Variants in USP48 observed in about 807,000 individuals in gnomAD.
The protein encoded by USP48 is ubiquitin carboxyl-terminal hydrolase 48.
A neutral mutation model predicts 150.7 loss-of-function variants in USP48; 43 were observed. The observed-to-expected ratio is 0.29, with a 90% CI of 0.22 to 0.37. The LOEUF (loss-of-function observed/expected upper bound fraction) is 0.37, where lower values mean the gene tolerates loss of function less well. USP48 is among the 10% of genes least tolerant of loss of function. The probability of loss-of-function intolerance (pLI) is 1.00; values close to 1 mark genes in which losing one functional copy is unlikely to be tolerated. For missense variants in USP48, 813 were observed against 1,249.6 expected, an observed-to-expected ratio of 0.65 and a Z score of 5.27; for synonymous variants, 396 against 425.9, an observed-to-expected ratio of 0.93 and a Z score of 0.86.
intron 1 of USP48, among the ~76,000 whole-genome samples, chr1:21,768,094 C>T (rs984050172): frequency 1.3e-5 from 2 of 151,986 alleles, no homozygotes; most frequent in Admixed American, 6.6e-5. Context: ...GTAGTCCCAG[C>T]TACTCAGGAG....
At position 21,678,403 on chromosome 1, in the gene USP48, G is replaced by C. The variant is rs563714151; in HGVS notation, c.*1014C>G. ...TTGCTAAGAATGATAATCCTGAGTT[G>C]GATGGACAGCACATCCATATACTTT... On this transcript the variant is annotated 3_prime_UTR_variant, in exon 27 of 27. Transcript: ENST00000308271. 1 of 151,438 alleles carries C rather than the reference G, an allele frequency of 6.6e-6. No homozygotes were observed. Among genetic ancestry groups the C allele is most frequent in the East Asian group, 1.9e-4 (1 of 5,148 alleles). 9.4% of individuals were successfully genotyped at this position (151,438 alleles called of 1,614,324 possible).
Position 21,782,861 on chromosome 1 carries a change from G to C in USP48, c.97C>G (p.Arg33Gly). Residue 33 changes from arginine to glycine, a missense_variant, in exon 1 of 27, where the codon CGC (arginine) becomes GGC (glycine). By Grantham distance (125) the Arg-to-Gly change is moderately radical. Coordinates refer to ENST00000308271, the MANE Select transcript of USP48 (RefSeq NM_032236.8). Reference protein sequence around the residue: ...VSQEHIETAYRIWLEPCIRGV... With the variant: ...VSQEHIETAYGIWLEPCIRGV... ...CGAATGCAGGGCTCCAGCCAGATGC[G>C]GTAAGCGGTCTCGATGTGCTCCTGC... 6.4e-7 allele frequency: 1 copy of C among 1,560,812 alleles called. No homozygotes were observed. The highest frequency in any genetic ancestry group is 8.7e-7 in the Non-Finnish European group (1 of 1,154,078).
chr1:21,703,132 GT>G lies in USP48; in HGVS notation c.2622+379del, dbSNP rs1266128270. ...CTAACCTCCACTTGACCCTGCTAAAGTTCCTTCAAAACAATCATTTCTGTGT... is the reference window on the plus strand; with the variant it reads ...CTAACCTCCACTTGACCCTGCTAAAGTCCTTCAAAACAATCATTTCTGTGT... On this transcript the variant is annotated intron_variant, in intron 21 of 26. Coordinates refer to ENST00000308271, the MANE Select transcript of USP48 (RefSeq NM_032236.8). 3.3e-5 allele frequency among the ~76,000 whole-genome samples: 5 copies of G among 152,304 alleles called. No individual in the cohort carries two copies. In the Middle Eastern group the frequency reaches 0.01, roughly 311 times the overall value.
chr1:21,770,533 G>A lies in USP48; in HGVS notation c.134+12291C>T, dbSNP rs931452558. Among the ~76,000 whole-genome samples the A allele has an allele frequency of 4.7e-5, 7 of 148,432 alleles. No individual in the cohort carries two copies. The East Asian group carries it at 1.4e-3, about 30-fold the overall frequency. On this transcript the variant is annotated intron_variant, in intron 1 of 26. Transcript: ENST00000308271. Reference sequence around the variant, plus strand: ...AGCTCACTCTGTTGCCCAGGCTGGAGTGCAGAGGCATGATCTCAGCTCACT... The same window carrying A: ...AGCTCACTCTGTTGCCCAGGCTGGAATGCAGAGGCATGATCTCAGCTCACT...
chr1:21,692,346 C>T (rs966365890), intron 23 of USP48, among the ~76,000 whole-genome samples: 10 of 152,266 alleles, frequency 6.6e-5, no homozygotes, highest in African/African-American at 1.9e-4. Context: ...TCCAGCCCTA[C>T]ACCAGCAAAT....
chr1:21,714,075 T>C (rs2097697605), intron 15 of USP48, among the ~76,000 whole-genome samples: 1 of 152,208 alleles, frequency 6.6e-6, no homozygotes, highest in Non-Finnish European at 1.5e-5. Context: ...AAAGTGCCAA[T>C]GTGCATCAGG....
chr1:21,683,118 A>G (rs2097571212), intron 25 of USP48, among the ~76,000 whole-genome samples: 1 of 152,178 alleles, frequency 6.6e-6, no homozygotes, highest in African/African-American at 2.4e-5. Context: ...AAAGTTAGCC[A>G]GGCATGGTGT....
At chr1:21,697,529 G>A (rs554347362) in intron 22 of USP48, among the ~76,000 whole-genome samples, 10 of 151,940 alleles carry the variant, frequency 6.6e-5, no homozygotes, top group South Asian at 2.1e-4. Context: ...CGGGCTTGGT[G>A]GTGGGCGCCT....
At chr1:21,725,820 T>C (rs2097735573) in intron 11 of USP48, among the ~76,000 whole-genome samples, 1 of 151,922 alleles carries the variant, frequency 6.6e-6, no homozygotes. Context: ...TTACAGTATA[T>C]CATGGTATGG....
At position 21,718,547 on chromosome 1, in the gene USP48, TATA is replaced by T. The variant is rs1372885813; in HGVS notation, c.1894+2486_1894+2488del. Reference sequence around the variant, plus strand: ...TACTAAAAATGAAGGGACACTGATATATAAAGAGGCCTTTTTCTTTTTTTTTTT... The same window carrying T: ...TACTAAAAATGAAGGGACACTGATATAAGAGGCCTTTTTCTTTTTTTTTTT... On this transcript the variant is annotated intron_variant, in intron 14 of 26. Coordinates refer to ENST00000308271, the MANE Select transcript of USP48 (RefSeq NM_032236.8). Among the ~76,000 whole-genome samples the T allele has an allele frequency of 5.3e-3, 781 of 148,672 alleles. 8 individuals are homozygous for T. Among genetic ancestry groups the T allele is most frequent in the African/African-American group, 0.018 (740 of 40,412 alleles).
intron 11 of USP48, chr1:21,728,106 A>G (rs186730133): frequency 1.0e-6 from 1 of 985,778 alleles, no homozygotes; most frequent in African/African-American, 1.7e-5. Flanking sequence ...AAGCTTTTCT[A>G]CTCTTAGCAT....
intron 14 of USP48, among the ~76,000 whole-genome samples, chr1:21,717,015 C>CA (rs796890608): frequency 1.4e-4 from 21 of 147,526 alleles, no homozygotes; most frequent in South Asian, 2.1e-4. Flanking sequence ...GACTCCGTCT[C>CA]AAAAAAAAAA....
chr1:21,759,993 A>G (rs2097846226), intron 1 of USP48, among the ~76,000 whole-genome samples: 1 of 152,196 alleles, frequency 6.6e-6, no homozygotes, highest in Non-Finnish European at 1.5e-5. Flanking sequence ...ACACCACCTT[A>G]ACCAAATGCT....
chr1:21,691,687 G>C (rs1182243100), intron 23 of USP48, among the ~76,000 whole-genome samples: 1 of 152,132 alleles, frequency 6.6e-6, no homozygotes, highest in East Asian at 1.9e-4. Context: ...ATATTTAAAT[G>C]TTTTTACAAA....
At chr1:21,718,357 G>C (rs1279057073) in intron 14 of USP48, among the ~76,000 whole-genome samples, 2 of 152,218 alleles carry the variant, frequency 1.3e-5, no homozygotes, top group Non-Finnish European at 2.9e-5. Flanking sequence ...ATTGTATCTG[G>C]TGGGAAGGCT....
chr1:21,731,893 A>C (rs888752487), intron 9 of USP48, among the ~76,000 whole-genome samples: 8 of 151,958 alleles, frequency 5.3e-5, no homozygotes, highest in African/African-American at 1.9e-4. Context: ...AAGGAATGAA[A>C]TGCTAACAAC....
chr1:21,782,407 T>C (rs1374039848), intron 1 of USP48, among the ~76,000 whole-genome samples: 1 of 152,084 alleles, frequency 6.6e-6, no homozygotes. Context: ...AGCTGCCCTC[T>C]ACAAAAATAA....
intron 1 of USP48, among the ~76,000 whole-genome samples, chr1:21,781,116 C>T (rs938007580): frequency 2.7e-5 from 4 of 147,462 alleles, no homozygotes; most frequent in Non-Finnish European, 6.0e-5. Context: ...GACGCTGTCT[C>T]GAAAAAAAAA....
chr1:21,766,519 C>T, intron 1 of USP48, among the ~76,000 whole-genome samples: 1 of 151,966 alleles, frequency 6.6e-6, no homozygotes, highest in Non-Finnish European at 1.5e-5. Context: ...CTCCAATGAT[C>T]TGTCATTTAA....
Sources: gnomAD v4.1 joint callset for allele counts (sites outside exome capture counted in the v4.1 genomes callset) on GRCh38, gnomAD v4.1.1 for gene constraint, MANE v1.5 for transcripts, NCBI Gene and HGNC (gene_info 2026-07-23, HGNC 2026-07-21) for gene names.